PGAP1: variants seen among roughly 807,000 people sequenced by gnomAD.
PGAP1 encodes the protein GPI inositol-deacylase.
PGAP1 carries 76 observed loss-of-function variants against 127.0 expected under a neutral mutation model. The ratio of observed to expected loss-of-function variants is 0.60; its 90% CI spans 0.50 to 0.72. The LOEUF (loss-of-function observed/expected upper bound fraction) is 0.72, where lower values mean the gene tolerates loss of function less well. Ranked by LOEUF, PGAP1 falls within the 30% of genes least tolerant of loss-of-function variation. The pLI is 0.00. For synonymous variants in PGAP1, 362 were observed against 366.5 expected (o/e 0.99, Z 0.14); for missense variants, 982 against 1,071.3 (o/e 0.92, Z 1.16).
rs115084820 is a variant in PGAP1 at position 196,885,003 on chromosome 2, C to T, written c.1272+421G>A. ...ACTAGATAAACTAGTTATTTGAGTGCTTGACCATGTATCATATCTGTTTGA... is the reference window on the plus strand; with the variant it reads ...ACTAGATAAACTAGTTATTTGAGTGTTTGACCATGTATCATATCTGTTTGA... On this transcript the variant is annotated intron_variant, in intron 12 of 26. Coordinates refer to ENST00000354764, the MANE Select transcript of PGAP1 (RefSeq NM_024989.4). Among the ~76,000 whole-genome samples, 389 of 152,220 alleles carry T rather than the reference C, an allele frequency of 2.6e-3. 3 individuals are homozygous for T. The highest frequency in any genetic ancestry group is 8.7e-3 in the African/African-American group (362 of 41,556).
chr2:196,902,225 T>TG (rs1702519642), intron 5 of PGAP1, among the ~76,000 whole-genome samples: 1 of 152,104 alleles, frequency 6.6e-6, no homozygotes, highest in African/African-American at 2.4e-5. Flanking sequence ...TTTGTAGAGT[T>TG]GGGGGTCTCC....
intron 20 of PGAP1, among the ~76,000 whole-genome samples, chr2:196,857,284 A>C (rs1286574006): frequency 6.6e-6 from 1 of 152,206 alleles, no homozygotes; most frequent in African/African-American, 2.4e-5. Flanking sequence ...TACAACTCCT[A>C]ACAGTTTAAT....
chr2:196,878,840 T>C (rs1701641707), intron 13 of PGAP1, among the ~76,000 whole-genome samples: 1 of 152,246 alleles, frequency 6.6e-6, no homozygotes, highest in Admixed American at 6.5e-5. Context: ...TGCTTTGCTC[T>C]GTTGCTTTGT....
Position 196,845,899 on chromosome 2 carries a change from G to A in PGAP1, c.2269C>T (p.Leu757Phe). 1 of 1,607,598 alleles carries A rather than the reference G, an allele frequency of 6.2e-7. No individual in the cohort carries two copies. Among genetic ancestry groups the A allele is most frequent in the African/African-American group, 1.3e-5 (1 of 74,936 alleles). The part of the protein sequence containing the change: ...CGALAILLSY[L>F]YYVFKVVHLQ... ...TGACATACCTTAAACACATAGTAAA[G>A]ATAAGAAAGAAGTATGGCTAGTGCT... Residue 757 changes from leucine to phenylalanine, a missense_variant, in exon 23 of 27, where the codon CTT (leucine) becomes TTT (phenylalanine). By Grantham distance (22) the Leu-to-Phe change is conservative. Coordinates refer to ENST00000354764, the MANE Select transcript of PGAP1 (RefSeq NM_024989.4).
At chr2:196,917,444 A>G (rs147823088) in intron 2 of PGAP1, among the ~76,000 whole-genome samples, 3 of 152,316 alleles carry the variant, frequency 2.0e-5, no homozygotes, top group Admixed American at 1.3e-4. Context: ...GAAATCTAAC[A>G]TAAGATATTT....
At chr2:196,892,267 G>A (rs1702123429) in intron 9 of PGAP1, 79 bp downstream of exon 9, 1 of 660,904 alleles carries the variant, frequency 1.5e-6, no homozygotes. Flanking sequence ...CTTGTTTAAA[G>A]AGTCTTTAAC....
chr2:196,918,663 T>G (rs1703089452), intron 2 of PGAP1, among the ~76,000 whole-genome samples: 1 of 152,098 alleles, frequency 6.6e-6, no homozygotes, highest in African/African-American at 2.4e-5. Context: ...CAAAGAAAGT[T>G]AAGGAAATTA....
intron 14 of PGAP1, among the ~76,000 whole-genome samples, chr2:196,874,739 C>A (rs1292255503): frequency 6.6e-6 from 1 of 152,166 alleles, no homozygotes; most frequent in Non-Finnish European, 1.5e-5. Flanking sequence ...TTAGGCTGGG[C>A]ACGTTGGCTC....
chr2:196,848,336 C>T (rs1297186165), intron 20 of PGAP1, among the ~76,000 whole-genome samples: 1 of 152,120 alleles, frequency 6.6e-6, no homozygotes, highest in African/African-American at 2.4e-5. Context: ...GGACAAAATT[C>T]TGATATAATT....
At chr2:196,883,471 C>G (rs1255144898) in intron 12 of PGAP1, among the ~76,000 whole-genome samples, 1 of 152,142 alleles carries the variant, frequency 6.6e-6, no homozygotes, top group Non-Finnish European at 1.5e-5. Context: ...TTAAAAGGGC[C>G]ACATAAGCCA....
At position 196,840,694 on chromosome 2, in the gene PGAP1, C is replaced by T. The variant is rs1700385086; in HGVS notation, c.*540G>A. On this transcript the variant is annotated 3_prime_UTR_variant, in exon 27 of 27. Coordinates refer to ENST00000354764, the MANE Select transcript of PGAP1 (RefSeq NM_024989.4). The stretch of plus-strand genomic sequence containing the variant: ...TTCATAGATGTAAGAAGACAAGATC[C>T]ACTTTGTTCATGGTGGCTGCCAAAA... 1 of 152,160 alleles carries T rather than the reference C, an allele frequency of 6.6e-6. No individual in the cohort carries two copies. The highest frequency in any genetic ancestry group is 1.5e-5 in the Non-Finnish European group (1 of 68,024). 9.4% of individuals were successfully genotyped at this position (152,160 alleles called of 1,614,324 possible). A position where few individuals can be genotyped will look rare whatever the true frequency, so the allele number is the denominator to read the frequency against.
At chr2:196,877,615 G>C (rs1701607147) in intron 13 of PGAP1, 1 of 152,120 alleles carries the variant, frequency 6.6e-6, no homozygotes, top group South Asian at 2.1e-4. Flanking sequence ...TATTGCAGAT[G>C]CTGAATTACC....
At chr2:196,854,874 C>G (rs1268243940) in intron 20 of PGAP1, among the ~76,000 whole-genome samples, 1 of 152,106 alleles carries the variant, frequency 6.6e-6, no homozygotes, top group Admixed American at 6.5e-5. Context: ...AACACCTGGG[C>G]TCAAGTGATC....
rs1024470206 is a variant in PGAP1 at position 196,844,542 on chromosome 2, A to G, written c.2319T>C (p.Phe773=). 3.8e-6 allele frequency: 6 copies of G among 1,598,334 alleles called. No individual in the cohort carries two copies. The highest frequency in any genetic ancestry group is 5.1e-6 in the Non-Finnish European group (6 of 1,174,272). The change falls in exon 24 of 27, where the codon TTT becomes TTC. Residue 773 remains phenylalanine, a synonymous_variant. Coordinates refer to ENST00000354764, the MANE Select transcript of PGAP1 (RefSeq NM_024989.4). Reference sequence around the variant, plus strand: ...AACTTACCACAGGCTGGCTATTCTTAAAAGTTGTTAAGCTGGCTTGCAGAT... The same window carrying G: ...AACTTACCACAGGCTGGCTATTCTTGAAAGTTGTTAAGCTGGCTTGCAGAT... ...VVHLQASLTT[F]KNSQPVNPKH... is the part of the protein sequence containing the mutation.
chr2:196,834,150 C>T lies in PGAP1; in HGVS notation c.*7084G>A, dbSNP rs1463883533. 2.0e-5 allele frequency: 3 copies of T among 151,818 alleles called. No individual in the cohort carries two copies. The highest frequency in any genetic ancestry group is 7.3e-5 in the African/African-American group (3 of 41,374). The allele number at this position is 151,818 out of a possible 1,614,324, so 9.4% of individuals were successfully genotyped here. A position where few individuals can be genotyped will look rare whatever the true frequency, so the allele number is the denominator to read the frequency against. ...AATTACATTTGAAGATTAGTTTTTC[C>T]AAGTGTGGTAAGTTCAGAACAATGC... On this transcript the variant is annotated 3_prime_UTR_variant, in exon 27 of 27. Transcript: ENST00000354764.
intron 12 of PGAP1, among the ~76,000 whole-genome samples, chr2:196,883,324 A>C (rs1451827130): frequency 6.6e-6 from 1 of 152,228 alleles, no homozygotes; most frequent in Non-Finnish European, 1.5e-5. Context: ...CAAGCTAAAG[A>C]ACCATTAATG....
At position 196,885,447 on chromosome 2, in the gene PGAP1, C is replaced by T. The variant is rs1238856895; in HGVS notation, c.1249G>A (p.Ala417Thr). 6.2e-7 allele frequency: 1 copy of T among 1,603,200 alleles called. No individual in the cohort carries two copies. The highest frequency in any genetic ancestry group is 8.5e-7 in the Non-Finnish European group (1 of 1,174,480). Reference protein sequence around the residue: ...CLQGVDLSWKAELLPTIKYLT... With the variant: ...CLQGVDLSWKTELLPTIKYLT... ...ACCTTAATTGTTGGCAGCAGTTCAGCTTTCCATGATAAATCAACCCCTTGC... is the reference window on the plus strand; with the variant it reads ...ACCTTAATTGTTGGCAGCAGTTCAGTTTTCCATGATAAATCAACCCCTTGC... The change falls in exon 12 of 27, where the codon GCT becomes ACT. Residue 417 changes from alanine (A) to threonine (T), a missense_variant. By Grantham distance (58) the Ala-to-Thr change is moderately conservative. Transcript: ENST00000354764.
chr2:196,879,663 C>T (rs1049623882), intron 13 of PGAP1, among the ~76,000 whole-genome samples: 2 of 152,120 alleles, frequency 1.3e-5, no homozygotes, highest in Non-Finnish European at 2.9e-5. Flanking sequence ...CCACTGCACT[C>T]CAGCCTGGGT....
intron 19 of PGAP1, among the ~76,000 whole-genome samples, chr2:196,867,219 A>G (rs7603016): frequency 6.6e-6 from 1 of 152,192 alleles, no homozygotes; most frequent in Non-Finnish European, 1.5e-5. Context: ...AATAGCAAAG[A>G]CTTGGAATCA....
Sources: allele counts gnomAD v4.1 joint callset (sites outside exome capture counted in the v4.1 genomes callset), GRCh38; gene constraint gnomAD v4.1.1; transcripts MANE v1.5; gene names NCBI Gene and HGNC (gene_info 2026-07-23, HGNC 2026-07-21).